Variants in CAMKK1 observed in about 807,000 individuals in gnomAD.
CAMKK1 encodes the protein calcium/calmodulin dependent protein kinase kinase 1, also known as calcium/calmodulin-dependent protein kinase kinase 1.
In CAMKK1, 20 loss-of-function variants were observed where a neutral mutation model predicts 63.5. That is an observed-to-expected ratio of 0.32 (90% CI 0.22 to 0.46). CAMKK1 has a LOEUF of 0.46. Among genes scored for constraint, CAMKK1 ranks in the 20% least tolerant of loss-of-function variants. The pLI, the probability that CAMKK1 is intolerant of heterozygous loss-of-function variation, is 1.00. For missense variants in CAMKK1, 588 were observed against 658.1 expected (o/e 0.89, Z 1.17); for synonymous variants, 253 against 269.0 (o/e 0.94, Z 0.58).
At chr17:3,885,822 C>A in intron 1 of CAMKK1, 92 bp from the exon 2 acceptor site, 3 of 1,304,352 alleles carry the variant, frequency 2.3e-6, no homozygotes, top group Non-Finnish European at 2.1e-6. Flanking sequence ...CACCTCCATG[C>A]CTTTGCCCTG....
At position 3,883,157 on chromosome 17, in the gene CAMKK1, C is replaced by A. The variant is rs745799806; in HGVS notation, c.533G>T (p.Gly178Val). 1.2e-6 allele frequency: 2 copies of A among 1,611,674 alleles called. No individual in the cohort carries two copies. The highest frequency in any genetic ancestry group is 1.1e-5 in the South Asian group (1 of 91,078). The change falls in exon 6 of 16, where the codon GGG becomes GTG. Residue 178 changes from glycine to valine, a missense_variant. Physicochemically the swap from Gly to Val is moderately radical, Grantham distance 109. Around this residue, in one of 3 missense-constraint regions of CAMKK1, gnomAD observed 357 missense variants for 407.4 expected, o/e 0.88. Transcript: ENST00000348335. The surrounding 1 kb of genome is among the most constrained non-coding windows in gnomAD (Gnocchi z 4.7). The part of the protein sequence containing the change: ...YGFPRRPPPR[G>V]SQAAQGGPAK... ...TGGTCCTCCCTGGGCAGCCTGGGAC[C>A]CTCTCGGGGGAGGGCGACCTGTGAC... is the stretch of plus-strand genomic sequence containing the variant.
rs918191603 is a variant in CAMKK1, at chr17:3,884,374, T to C, written c.408+6A>G. The C allele has an allele frequency of 1.2e-6, 2 of 1,613,634 alleles. No homozygotes were observed. Among genetic ancestry groups the C allele is most frequent in the African/African-American group, 1.3e-5 (1 of 74,858 alleles). ...CCCCCACTGCTCTCGGCCTGCCCAC[T>C]CCTACCTTGCCAATCTCACTCTGCA... On this transcript the variant is annotated splice_donor_region_variant and intron_variant, in intron 3 of 15. Transcript: ENST00000348335. The surrounding 1 kb of genome is among the most constrained non-coding windows in gnomAD (Gnocchi z 4.5).
intron 11 of CAMKK1, among the ~76,000 whole-genome samples, chr17:3,872,941 G>C (rs1455269935): frequency 6.6e-6 from 1 of 152,196 alleles, no homozygotes; most frequent in East Asian, 1.9e-4. Flanking sequence ...TGGGGCTTGG[G>C]AACATGTTCA....
At position 3,882,370 on chromosome 17, in the gene CAMKK1, G is replaced by A. The variant is rs527721577; in HGVS notation, c.685+158C>T. The A allele has an allele frequency of 2.3e-5, 37 of 1,611,472 alleles. No homozygotes were observed. The highest frequency in any genetic ancestry group is 8.8e-5 in the South Asian group (8 of 91,040). ...GATATTCTGGGCCTGGTTCTGCAGGGCTGGGCAAGGGAATCCAGGGCTTCA... is the reference window on the plus strand; with the variant it reads ...GATATTCTGGGCCTGGTTCTGCAGGACTGGGCAAGGGAATCCAGGGCTTCA... On this transcript the variant is annotated intron_variant, in intron 7 of 15. Coordinates refer to ENST00000348335, the MANE Select transcript of CAMKK1 (RefSeq NM_032294.3). This position sits in a 1 kb window ranked among gnomAD's most constrained non-coding sequence, Gnocchi z 4.3.
At chr17:3,877,110 T>C (rs1169879688) in intron 9 of CAMKK1, among the ~76,000 whole-genome samples, 1 of 152,140 alleles carries the variant, frequency 6.6e-6, no homozygotes, top group Non-Finnish European at 1.5e-5. Flanking sequence ...GAGTGCCGTC[T>C]GCAGGCCCAA....
intron 9 of CAMKK1, 157 bp downstream of exon 9, chr17:3,880,189 T>G: frequency 7.3e-6 from 4 of 545,398 alleles, no homozygotes; most frequent in East Asian, 3.3e-5. Context: ...CAAAAAGGCC[T>G]TTGGCCCCGC....
chr17:3,868,171 T>A lies in CAMKK1; in HGVS notation c.1341+1316A>T, dbSNP rs866844100. On this transcript the variant is annotated intron_variant, in intron 14 of 15. Transcript: ENST00000348335. Reference sequence around the variant, plus strand: ...GGCGCCGTCTAACTGATACGTGGGCTCTGGGGGAGAAGCAGGCGCCGTCTA... The same window carrying A: ...GGCGCCGTCTAACTGATACGTGGGCACTGGGGGAGAAGCAGGCGCCGTCTA... Among the ~76,000 whole-genome samples, 4 of 3,998 alleles carry A rather than the reference T, an allele frequency of 1.0e-3. 1 individual carries two copies. The highest frequency in any genetic ancestry group is 1.9e-3 in the Non-Finnish European group (4 of 2,098). The allele number at this position is 3,998 out of a possible 152,430, so 2.6% of individuals were successfully genotyped here.
chr17:3,874,558 A>C lies in CAMKK1; in HGVS notation c.997-1096T>G. 1.3e-5 allele frequency among the ~76,000 whole-genome samples: 2 copies of C among 151,908 alleles called. 1 individual carries two copies. Among genetic ancestry groups the C allele is most frequent in the South Asian group, 4.2e-4 (2 of 4,810 alleles). On this transcript the variant is annotated intron_variant, in intron 10 of 15. Coordinates refer to ENST00000348335, the MANE Select transcript of CAMKK1 (RefSeq NM_032294.3). Reference sequence around the variant, plus strand: ...GGCTAATTTTTGTATTTTTTAGTAGAGACGGGGTTTCACCACGTTGGCCAG... The same window carrying C: ...GGCTAATTTTTGTATTTTTTAGTAGCGACGGGGTTTCACCACGTTGGCCAG...
chr17:3,877,393 T>C (rs1647661320), intron 9 of CAMKK1, among the ~76,000 whole-genome samples: 1 of 152,156 alleles, frequency 6.6e-6, no homozygotes, highest in African/African-American at 2.4e-5. Context: ...AGGTCTGCCC[T>C]GCTTTCTGGG....
At position 3,889,751 on chromosome 17, in the gene CAMKK1, A is replaced by AC. The variant is rs1159368868; in HGVS notation, c.-44+3187dup. Among the ~76,000 whole-genome samples, 1 of 148,046 alleles carries AC rather than the reference A, an allele frequency of 6.8e-6. No individual in the cohort carries two copies. Among genetic ancestry groups the AC allele is most frequent in the Non-Finnish European group, 1.5e-5 (1 of 66,846 alleles). On this transcript the variant is annotated intron_variant, in intron 1 of 15. Coordinates refer to ENST00000348335, the MANE Select transcript of CAMKK1 (RefSeq NM_032294.3). This position sits in a 1 kb window ranked among gnomAD's most constrained non-coding sequence, Gnocchi z 5.2. ...GGTTTTTCCTCCCAGGCTGTGCCCC[A>AC]CCCCCCAAGCGTCTGGCCACTCCCA... is the stretch of plus-strand genomic sequence containing the variant.
At position 3,868,032 on chromosome 17, in the gene CAMKK1, G is replaced by A. The variant is rs536232213; in HGVS notation, c.1341+1455C>T. On this transcript the variant is annotated intron_variant, in intron 14 of 15. Coordinates refer to ENST00000348335, the MANE Select transcript of CAMKK1 (RefSeq NM_032294.3). The stretch of plus-strand genomic sequence containing the variant: ...GGGCTCTGGGGGAGAAGCAGGCGCC[G>A]TCTAACTGATACACAGGATCTGGGG... 1.6e-4 allele frequency among the ~76,000 whole-genome samples: 21 copies of A among 131,350 alleles called. 4 individuals are homozygous for A. The highest frequency in any genetic ancestry group is 9.7e-4 in the South Asian group (4 of 4,128). 86.2% of individuals were successfully genotyped at this position (131,350 alleles called of 152,430 possible).
intron 15 of CAMKK1, among the ~76,000 whole-genome samples, chr17:3,864,208 A>T (rs2054425851): frequency 6.6e-6 from 1 of 151,114 alleles, no homozygotes; most frequent in Admixed American, 6.6e-5. Flanking sequence ...TTGGCCTCCC[A>T]AAGTGCTGGG....
rs1158834966 is a variant in CAMKK1, at chr17:3,892,571, C to T, written c.-44+368G>A. ...GTGGGAGGAGCGCTCCGCGGAGAACCGCACGTGGGTGCCCCGGGCCGGGCC... is the reference window on the plus strand; with the variant it reads ...GTGGGAGGAGCGCTCCGCGGAGAACTGCACGTGGGTGCCCCGGGCCGGGCC... On this transcript the variant is annotated intron_variant, in intron 1 of 15. Coordinates refer to ENST00000348335, the MANE Select transcript of CAMKK1 (RefSeq NM_032294.3). The surrounding 1 kb of genome is among the most constrained non-coding windows in gnomAD (Gnocchi z 7.5). 6.6e-6 allele frequency among the ~76,000 whole-genome samples: 1 copy of T among 152,194 alleles called. No individual in the cohort carries two copies. Among genetic ancestry groups the T allele is most frequent in the East Asian group, 1.9e-4 (1 of 5,184 alleles).
intron 10 of CAMKK1, among the ~76,000 whole-genome samples, chr17:3,875,325 C>A (rs1293531984): frequency 1.3e-5 from 2 of 152,122 alleles, no homozygotes; most frequent in Non-Finnish European, 2.9e-5. Flanking sequence ...AGGTGTCGCT[C>A]AGTCACTCAG....
At chr17:3,865,311 CCT>C in intron 15 of CAMKK1, 7 of 987,108 alleles carry the variant, frequency 7.1e-6, no homozygotes, top group Non-Finnish European at 8.4e-6. Context: ...AATGCGGGTT[CCT>C]CTCCCGTGGT....
chr17:3,882,294 C>T lies in CAMKK1; in HGVS notation c.685+234G>A. On this transcript the variant is annotated intron_variant, in intron 7 of 15. Transcript: ENST00000348335. This position sits in a 1 kb window ranked among gnomAD's most constrained non-coding sequence, Gnocchi z 4.3. ...CCCACGTGGATCCACTGTCTTGCTG[C>T]TCAGAGGGAAGCAGGGAGTGGGGCT... 6.2e-7 allele frequency: 1 copy of T among 1,614,122 alleles called. No homozygotes were observed. The highest frequency in any genetic ancestry group is 8.5e-7 in the Non-Finnish European group (1 of 1,180,022).
At chr17:3,877,245 C>T (rs1189560837) in intron 9 of CAMKK1, among the ~76,000 whole-genome samples, 4 of 152,126 alleles carry the variant, frequency 2.6e-5, no homozygotes, top group African/African-American at 9.7e-5. Flanking sequence ...TCTCAGCCCT[C>T]GGGATCTGGG....
rs754085977 is a variant in CAMKK1, at chr17:3,883,526, G to T, written c.463-46C>A. 9.7e-6 allele frequency: 14 copies of T among 1,444,390 alleles called. No homozygotes were observed. In the East Asian group the frequency reaches 3.0e-4, roughly 30 times the overall value. 89.5% of individuals were successfully genotyped at this position (1,444,390 alleles called of 1,614,324 possible). A position where few individuals can be genotyped will look rare whatever the true frequency, so the allele number is the denominator to read the frequency against. On this transcript the variant is annotated intron_variant, in intron 4 of 15. Coordinates refer to ENST00000348335, the MANE Select transcript of CAMKK1 (RefSeq NM_032294.3). The surrounding 1 kb of genome is among the most constrained non-coding windows in gnomAD (Gnocchi z 4.7). Reference sequence around the variant, plus strand: ...ATGTCACTACTGTGCAGCCACCAGGGGCTAGAACAGGCTGGTACATGTGGA... The same window carrying T: ...ATGTCACTACTGTGCAGCCACCAGGTGCTAGAACAGGCTGGTACATGTGGA...
chr17:3,863,500 A>G lies in CAMKK1; in HGVS notation c.1446-1217T>C, dbSNP rs138374172. ...GCAACAAGAGTGAAACTCCATCTCAAAACAAACAAACAAAAAACCAAAGCA... is the reference window on the plus strand; with the variant it reads ...GCAACAAGAGTGAAACTCCATCTCAGAACAAACAAACAAAAAACCAAAGCA... On this transcript the variant is annotated intron_variant, in intron 15 of 15. Coordinates refer to ENST00000348335, the MANE Select transcript of CAMKK1 (RefSeq NM_032294.3). 4.1e-3 allele frequency among the ~76,000 whole-genome samples: 619 copies of G among 152,130 alleles called. 4 individuals carry two copies. Among genetic ancestry groups the G allele is most frequent in the African/African-American group, 0.013 (553 of 41,522 alleles).
Sources: allele counts gnomAD v4.1 joint callset (sites outside exome capture counted in the v4.1 genomes callset), GRCh38; gene constraint gnomAD v4.1.1; regional missense constraint gnomAD v4.1.1; non-coding constraint Gnocchi (gnomAD v3.1); transcripts MANE v1.5; gene names NCBI Gene and HGNC (gene_info 2026-07-23, HGNC 2026-07-21).